The following DNAH8 variants were observed in gnomAD, a reference collection of about 807,000 sequenced individuals.
The protein encoded by DNAH8 is axonemal beta dynein heavy chain 8.
DNAH8 carries 382 observed loss-of-function variants against 562.1 expected under a neutral mutation model. That is an observed-to-expected ratio of 0.68 (90% CI 0.63 to 0.74). DNAH8 has a LOEUF of 0.74. Among genes scored for constraint, DNAH8 ranks in the 30% least tolerant of loss-of-function variants. The pLI is 0.00. For missense variants in DNAH8, 5,203 were observed against 5,620.4 expected (o/e 0.93, Z 2.37); for synonymous variants, 1,881 against 1,919.4 (o/e 0.98, Z 0.52).
intron 26 of DNAH8, among the ~76,000 whole-genome samples, chr6:38,820,671 A>T (rs1219977179): frequency 6.6e-6 from 1 of 152,236 alleles, no homozygotes; most frequent in Non-Finnish European, 1.5e-5. Context: ...AAAGTGTTGT[A>T]TAGTTTGACC....
At position 38,906,408 on chromosome 6, in the gene DNAH8, G is replaced by C. The variant is rs753849114; in HGVS notation, c.9348+1G>C. On this transcript the variant is annotated splice_donor_variant, in intron 63 of 92. Transcript: ENST00000327475. LOFTEE classifies it high-confidence loss of function. ...TAACAACTTGCTATCTTCAGGGGAGGTAAGTCTCAAAAGTAGAGAAAAAGC... is the reference window on the plus strand; with the variant it reads ...TAACAACTTGCTATCTTCAGGGGAGCTAAGTCTCAAAAGTAGAGAAAAAGC... The C allele has an allele frequency of 2.5e-6, 4 of 1,571,900 alleles. No individual in the cohort carries two copies. Among genetic ancestry groups the C allele is most frequent in the Non-Finnish European group, 3.4e-6 (4 of 1,160,218 alleles).
intron 9 of DNAH8, among the ~76,000 whole-genome samples, chr6:38,751,752 A>C (rs963701400): frequency 6.6e-5 from 10 of 151,764 alleles, no homozygotes; most frequent in African/African-American, 2.2e-4. Flanking sequence ...AAATTAAAAA[A>C]ATCTCTATCC....
At chr6:38,942,758 G>A (rs1463979079) in intron 79 of DNAH8, among the ~76,000 whole-genome samples, 1 of 152,206 alleles carries the variant, frequency 6.6e-6, no homozygotes, top group African/African-American at 2.4e-5. Flanking sequence ...TGCACCTGAG[G>A]TGTGGGAAGC....
chr6:38,723,121 G>A lies in DNAH8; in HGVS notation c.312G>A (p.Pro104=). The change falls in exon 2 of 93, where the codon CCG becomes CCA. Residue 104 remains proline, a synonymous_variant. Coordinates refer to ENST00000327475, the MANE Select transcript of DNAH8 (RefSeq NM_001206927.2). The stretch of plus-strand genomic sequence containing the variant: ...TGATTTCGGAAGTGCTGTCCTTGCC[G>A]TCTTCCCGGAGGTCCTCCAGATACC... ...QSVISEVLSL[P]SSRRSSRYRR... is the part of the protein sequence containing the mutation. 1 of 1,612,806 alleles carries A rather than the reference G, an allele frequency of 6.2e-7. No homozygotes were observed. The highest frequency in any genetic ancestry group is 8.5e-7 in the Non-Finnish European group (1 of 1,179,882).
rs1197903942 is a variant in DNAH8 at position 38,783,067 on chromosome 6, T to G, written c.2323T>G (p.Ser775Ala). ...TGTCATCCGTCAGTATAACAAGATCTCCTATGTGCTGGTGGAATTCGAGGT... is the reference window on the plus strand; with the variant it reads ...TGTCATCCGTCAGTATAACAAGATCGCCTATGTGCTGGTGGAATTCGAGGT... ...KAVIRQYNKI[S>A]YVLVEFEVVY... is the part of the protein sequence containing the mutation. Residue 775 changes from serine to alanine, a missense_variant, in exon 17 of 93, where the codon TCC (serine) becomes GCC (alanine). Ser to Ala is a moderately conservative substitution (Grantham distance 99, BLOSUM62 1). Around this residue, in one of 6 missense-constraint regions of DNAH8, gnomAD observed 2,176 missense variants for 2,365.1 expected, o/e 0.92. Coordinates refer to ENST00000327475, the MANE Select transcript of DNAH8 (RefSeq NM_001206927.2). 6.2e-7 allele frequency: 1 copy of G among 1,613,948 alleles called. No individual in the cohort carries two copies.
At chr6:38,834,408 C>A (rs1487853537) in intron 31 of DNAH8, among the ~76,000 whole-genome samples, 171 bp from the exon 32 acceptor site, 8 of 152,000 alleles carry the variant, frequency 5.3e-5, no homozygotes, top group Admixed American at 5.2e-4. Flanking sequence ...ATGTGAATTC[C>A]ATCTCAATAA....
At chr6:38,795,579 CAG>C (rs5875639) in intron 21 of DNAH8, among the ~76,000 whole-genome samples, 19,320 of 107,376 alleles carry the variant, frequency 0.18, 1,498 homozygotes, top group East Asian at 0.39. Context: ...GACTGTGTCT[CAG>C]AAAAAAAAAA....
At chr6:38,984,816 CA>C (rs1332978813) in intron 87 of DNAH8, among the ~76,000 whole-genome samples, 1 of 151,790 alleles carries the variant, frequency 6.6e-6, no homozygotes, top group Non-Finnish European at 1.5e-5. Flanking sequence ...AAACAAAAAC[CA>C]ACCAACAATC....
chr6:38,952,719 C>T (rs988722400), intron 82 of DNAH8, among the ~76,000 whole-genome samples: 8 of 152,162 alleles, frequency 5.3e-5, no homozygotes, highest in Admixed American at 4.6e-4. Flanking sequence ...TATTTGTTGT[C>T]ACCACACTGT....
chr6:38,899,908 T>C lies in DNAH8; in HGVS notation c.9194+2T>C. On this transcript the variant is annotated splice_donor_variant, in intron 62 of 92. Transcript: ENST00000327475. LOFTEE classifies it high-confidence loss of function. ...AATATTCCAGATAACATTAACCAGG[T>C]AGGATGAAATAAAACACAATATGTT... 1.3e-6 allele frequency: 2 copies of C among 1,565,996 alleles called. No individual in the cohort carries two copies. Among genetic ancestry groups the C allele is most frequent in the Non-Finnish European group, 8.6e-7 (1 of 1,159,778 alleles).
intron 10 of DNAH8, among the ~76,000 whole-genome samples, chr6:38,757,071 T>C (rs1284563437): frequency 1.3e-5 from 2 of 152,286 alleles, no homozygotes; most frequent in East Asian, 3.9e-4. Flanking sequence ...GTATTTCTAG[T>C]TCTAGATCCC....
intron 28 of DNAH8, among the ~76,000 whole-genome samples, chr6:38,824,911 A>C (rs550332648): frequency 1.3e-5 from 2 of 152,210 alleles, no homozygotes; most frequent in Non-Finnish European, 2.9e-5. Flanking sequence ...ATCAGAAACT[A>C]TGCATCAGTG....
At chr6:38,772,099 G>A (rs532647333) in intron 12 of DNAH8, among the ~76,000 whole-genome samples, 1 of 149,006 alleles carries the variant, frequency 6.7e-6, no homozygotes, top group Non-Finnish European at 1.5e-5. Flanking sequence ...CGTGATCTCG[G>A]CTCACTGCAA....
At chr6:38,777,025 A>T (rs1328840242) in intron 13 of DNAH8, among the ~76,000 whole-genome samples, 2 of 152,200 alleles carry the variant, frequency 1.3e-5, no homozygotes, top group Non-Finnish European at 2.9e-5. Flanking sequence ...TTCTTTAAAA[A>T]CTACATTACA....
chr6:38,815,394 A>G (rs898939344), intron 25 of DNAH8, 74 bp from the exon 26 acceptor site: 37 of 1,212,328 alleles, frequency 3.1e-5, no homozygotes, highest in Admixed American at 1.9e-4. Flanking sequence ...CTCAGTGGGG[A>G]ATGGAGGTGG....
At chr6:38,846,670 T>G (rs1001254760) in intron 36 of DNAH8, among the ~76,000 whole-genome samples, 2 of 152,146 alleles carry the variant, frequency 1.3e-5, no homozygotes, top group African/African-American at 4.8e-5. Flanking sequence ...CCATAGGATA[T>G]TCAGTACTTC....
chr6:38,982,522 A>G (rs1256304504), intron 86 of DNAH8, 60 bp downstream of exon 86: 10 of 901,620 alleles, frequency 1.1e-5, no homozygotes, highest in Non-Finnish European at 1.8e-5. Context: ...AGGGTTCTAC[A>G]GTCATTTGAA....
At position 38,789,808 on chromosome 6, in the gene DNAH8, TC is replaced by T; in HGVS notation, c.2590del (p.Leu864CysfsTer18). On this transcript the variant is annotated frameshift_variant, in exon 19 of 93. Coordinates refer to ENST00000327475, the MANE Select transcript of DNAH8 (RefSeq NM_001206927.2). LOFTEE classifies it high-confidence loss of function. ...KADKLYLQGL[L>X]QYYDELCQEV... Reference sequence around the variant, plus strand: ...GCCATTTCAACTTCCTACAGGGTCTTCTGCAATATTATGATGAGTTATGTCA... The same window carrying T: ...GCCATTTCAACTTCCTACAGGGTCTTTGCAATATTATGATGAGTTATGTCA... 1 of 1,606,796 alleles carries T rather than the reference TC, an allele frequency of 6.2e-7. No individual in the cohort carries two copies. The highest frequency in any genetic ancestry group is 8.5e-7 in the Non-Finnish European group (1 of 1,176,836).
intron 11 of DNAH8, among the ~76,000 whole-genome samples, chr6:38,762,183 A>G (rs1297342702): frequency 6.6e-6 from 1 of 152,196 alleles, no homozygotes; most frequent in African/African-American, 2.4e-5. Flanking sequence ...TTAGAAGACA[A>G]TGTTTCTAAC....
Sources: gnomAD v4.1 joint callset for allele counts (sites outside exome capture counted in the v4.1 genomes callset) on GRCh38, gnomAD v4.1.1 for gene constraint, gnomAD v4.1.1 regional missense constraint, MANE v1.5 for transcripts, NCBI Gene and HGNC (gene_info 2026-07-23, HGNC 2026-07-21) for gene names.